The following TRPM7 variants were observed in gnomAD, a reference collection of about 807,000 sequenced individuals.
TRPM7 encodes LTRPC ion channel family member 7.
Under a neutral mutation model 229.7 loss-of-function variants are expected in TRPM7, and 134 were observed. The ratio of observed to expected loss-of-function variants is 0.58; its 90% CI spans 0.51 to 0.67. TRPM7 has a LOEUF of 0.67. Among genes scored for constraint, TRPM7 ranks in the 30% least tolerant of loss-of-function variants. The pLI is 0.00. For synonymous variants in TRPM7, 699 were observed against 715.2 expected, an observed-to-expected ratio of 0.98 and a Z score of 0.36; for missense variants, 1,901 against 2,210.0, an observed-to-expected ratio of 0.86 and a Z score of 2.80.
chr15:50,616,813 TG>T (rs2060234409), intron 13 of TRPM7, among the ~76,000 whole-genome samples: 2 of 152,110 alleles, frequency 1.3e-5, no homozygotes, highest in South Asian at 4.1e-4. Context: ...CCTAAGTAGC[TG>T]GGACTACAGG....
At position 50,673,986 on chromosome 15, in the gene TRPM7, T is replaced by C. The variant is rs375254159; in HGVS notation, c.4-10940A>G. 1.4e-4 allele frequency among the ~76,000 whole-genome samples: 21 copies of C among 152,034 alleles called. No individual in the cohort carries two copies. The East Asian group carries it at 2.5e-3, about 18-fold the overall frequency. On this transcript the variant is annotated intron_variant, in intron 1 of 38. Coordinates refer to ENST00000646667, the MANE Select transcript of TRPM7 (RefSeq NM_017672.6). ...GGAATAAGGTGGTATTATTGCATTC[T>C]GGTTTTCTGTTTTGTTTCTTGAGAT...
chr15:50,589,564 G>C, intron 27 of TRPM7, 28 bp downstream of exon 27: 1 of 1,382,850 alleles, frequency 7.2e-7, no homozygotes, highest in Non-Finnish European at 1.0e-6. Context: ...AAATAGAACT[G>C]TGGGTGTTTT....
At position 50,619,811 on chromosome 15, in the gene TRPM7, A is replaced by G; in HGVS notation, c.1441-13T>C. On this transcript the variant is annotated splice_polypyrimidine_tract_variant and intron_variant, in intron 12 of 38. Transcript: ENST00000646667. ...TTGGACCTTGTTTCTTTAGGGAGAA[A>G]AAGTTACAGCAAACTATTATTTTTC... 6.3e-7 allele frequency: 1 copy of G among 1,595,626 alleles called. No individual in the cohort carries two copies. The highest frequency in any genetic ancestry group is 8.5e-7 in the Non-Finnish European group (1 of 1,174,158).
chr15:50,591,535 C>T (rs2059493069), intron 26 of TRPM7, among the ~76,000 whole-genome samples: 2 of 146,182 alleles, frequency 1.4e-5, no homozygotes, highest in Non-Finnish European at 3.0e-5. Flanking sequence ...CTCATTCTGT[C>T]ACACAGGCTA....
In TRPM7 at chr15:50,574,510, C is replaced by T. The variant is rs747865424; in HGVS notation, c.5103-31G>A. ...AAAAAATAGTTATAAATATTACTAGCAGTTTTGTTAATAAAATTCTAATTG... is the reference window on the plus strand; with the variant it reads ...AAAAAATAGTTATAAATATTACTAGTAGTTTTGTTAATAAAATTCTAATTG... On this transcript the variant is annotated intron_variant, in intron 35 of 38. Coordinates refer to ENST00000646667, the MANE Select transcript of TRPM7 (RefSeq NM_017672.6). The T allele has an allele frequency of 8.9e-6, 14 of 1,568,364 alleles. 1 individual carries two copies. In the South Asian group the frequency reaches 1.5e-4, roughly 17 times the overall value.
chr15:50,670,541 C>A (rs909974292), intron 1 of TRPM7, among the ~76,000 whole-genome samples: 3 of 152,096 alleles, frequency 2.0e-5, no homozygotes, highest in African/African-American at 4.8e-5. Flanking sequence ...CTAACCAGCA[C>A]CATGACAGTT....
intron 7 of TRPM7, among the ~76,000 whole-genome samples, chr15:50,636,313 C>T (rs1348358623): frequency 6.6e-6 from 1 of 151,936 alleles, no homozygotes; most frequent in Non-Finnish European, 1.5e-5. Context: ...GTCTCAGCCT[C>T]CCAAGAAGCT....
intron 11 of TRPM7, among the ~76,000 whole-genome samples, chr15:50,627,613 TGA>T (rs533429952): frequency 5.2e-4 from 79 of 152,228 alleles, no homozygotes; most frequent in Non-Finnish European, 9.7e-4. Context: ...AGAGCAAGTA[TGA>T]GAGTAGTGAA....
At chr15:50,618,400 C>T (rs915494409) in intron 13 of TRPM7, among the ~76,000 whole-genome samples, 2 of 151,960 alleles carry the variant, frequency 1.3e-5, no homozygotes, top group Non-Finnish European at 2.9e-5. Flanking sequence ...GAAACCCCGT[C>T]TCTACTAAAA....
At chr15:50,615,315 G>A (rs1265620351) in intron 13 of TRPM7, among the ~76,000 whole-genome samples, 1 of 151,740 alleles carries the variant, frequency 6.6e-6, no homozygotes, top group African/African-American at 2.4e-5. Flanking sequence ...TACATGTTAA[G>A]TATTTTTTTA....
chr15:50,645,913 G>GGGAGGC (rs948876467), intron 4 of TRPM7, among the ~76,000 whole-genome samples: 12 of 152,016 alleles, frequency 7.9e-5, no homozygotes, highest in Non-Finnish European at 1.3e-4. Context: ...CCAGCACTTT[G>GGGAGGC]GGAGGCGGAG....
At chr15:50,566,106 T>TG (rs1182123417) in intron 38 of TRPM7, among the ~76,000 whole-genome samples, 1 of 152,054 alleles carries the variant, frequency 6.6e-6, no homozygotes, top group Non-Finnish European at 1.5e-5. Flanking sequence ...ATTACAGGTG[T>TG]GAGCCACTGA....
chr15:50,587,975 CTTT>C (rs2059385901), intron 27 of TRPM7, among the ~76,000 whole-genome samples: 1 of 152,108 alleles, frequency 6.6e-6, no homozygotes, highest in Non-Finnish European at 1.5e-5. Context: ...TCTTCTTTCT[CTTT>C]TTATCGTGTG....
chr15:50,611,564 C>T (rs929193409), intron 16 of TRPM7, among the ~76,000 whole-genome samples: 1 of 152,112 alleles, frequency 6.6e-6, no homozygotes, highest in South Asian at 2.1e-4. Context: ...TTCTCCCGGT[C>T]CTAGAAATCA....
intron 2 of TRPM7, among the ~76,000 whole-genome samples, chr15:50,662,283 G>T (rs557449255): frequency 9.2e-5 from 14 of 151,552 alleles, no homozygotes; most frequent in African/African-American, 2.7e-4. Context: ...AACCCTGGAG[G>T]GAGCTTGTAC....
intron 1 of TRPM7, among the ~76,000 whole-genome samples, chr15:50,673,191 C>T (rs1050113758): frequency 6.6e-6 from 1 of 152,116 alleles, no homozygotes; most frequent in African/African-American, 2.4e-5. Context: ...CTCACTGACT[C>T]GCCCAGAACA....
intron 4 of TRPM7, among the ~76,000 whole-genome samples, chr15:50,646,503 C>G (rs779619657): frequency 6.6e-6 from 1 of 152,116 alleles, no homozygotes; most frequent in Non-Finnish European, 1.5e-5. Context: ...AGGCTGGTCT[C>G]AAACTCCTGA....
intron 24 of TRPM7, 72 bp from the exon 25 acceptor site, chr15:50,593,821 G>A (rs909853659): frequency 4.8e-5 from 70 of 1,451,806 alleles, no homozygotes; most frequent in Non-Finnish European, 6.1e-5. Flanking sequence ...TAATTCTTAC[G>A]AATTATTCAG....
Position 50,637,595 on chromosome 15 carries a change from T to G in TRPM7, c.661-2A>C, listed in dbSNP as rs761733514. ...TAAGGTTTGATAAGGAGCAACCACCTAAACAATAGCAAACAAAAGAGTTAG... is the reference window on the plus strand; with the variant it reads ...TAAGGTTTGATAAGGAGCAACCACCGAAACAATAGCAAACAAAAGAGTTAG... On this transcript the variant is annotated splice_acceptor_variant, in intron 6 of 38. Transcript: ENST00000646667. LOFTEE classifies it high-confidence loss of function. 5.0e-6 allele frequency: 8 copies of G among 1,609,644 alleles called. No individual in the cohort carries two copies. The South Asian group carries it at 8.9e-5, about 18-fold the overall frequency.
Sources: allele counts gnomAD v4.1 joint callset (sites outside exome capture counted in the v4.1 genomes callset), GRCh38; gene constraint gnomAD v4.1.1; transcripts MANE v1.5; gene names NCBI Gene and HGNC (gene_info 2026-07-23, HGNC 2026-07-21).